The following TSSK2 variants were observed in gnomAD, a reference collection of about 807,000 sequenced individuals.
TSSK2 encodes testis-specific serine/threonine-protein kinase 2.
In TSSK2, 5 loss-of-function variants were observed where a neutral mutation model predicts 14.2. The observed-to-expected ratio is 0.35, with a 90% CI of 0.18 to 0.74. The LOEUF (loss-of-function observed/expected upper bound fraction) is 0.74, where lower values mean the gene tolerates loss of function less well. TSSK2 is among the 30% of genes least tolerant of loss of function. TSSK2 has a pLI of 0.56. For synonymous variants in TSSK2, 209 were observed against 201.9 expected (o/e 1.04, Z -0.30); for missense variants, 439 against 491.1 (o/e 0.89, Z 1.00).
chr22:19,131,625 TA>T lies in TSSK2; in HGVS notation c.227del (p.Tyr76SerfsTer129). 6.2e-7 allele frequency: 1 copy of T among 1,614,092 alleles called. No homozygotes were observed. Among genetic ancestry groups the T allele is most frequent in the Non-Finnish European group, 8.5e-7 (1 of 1,180,036 alleles). On this transcript the variant is annotated frameshift_variant, in exon 1 of 1. Coordinates refer to ENST00000399635, the MANE Select transcript of TSSK2 (RefSeq NM_053006.5). LOFTEE classifies it high-confidence loss of function. The surrounding 1 kb of genome is among the most constrained non-coding windows in gnomAD (Gnocchi z 5.7). ...CAACCACGGCTCCATCATCAAGACT[TA>T]CGAGATCTTTGAGACCTCTGACGGA... ...TVNHGSIIKT[Y>X]EIFETSDGRI...
In TSSK2 at chr22:19,132,265, GGGA is replaced by G; in HGVS notation, c.869_871del (p.Glu290del). ...TCTTCTGCCTCCTTCAAGAGGGAGG[GGGA>G]GGGCAAGTACCGCGCTGAGTGCAAA... On this transcript the variant is annotated inframe_deletion, in exon 1 of 1. Transcript: ENST00000399635. The surrounding 1 kb of genome is among the most constrained non-coding windows in gnomAD (Gnocchi z 4.2). The G allele has an allele frequency of 6.2e-7, 1 of 1,612,784 alleles. No individual in the cohort carries two copies. The highest frequency in any genetic ancestry group is 8.5e-7 in the Non-Finnish European group (1 of 1,179,246).
Position 19,131,930 on chromosome 22 carries a change from G to A in TSSK2, c.531G>A (p.Gly177=), listed in dbSNP as rs1952398726. ...GRIILSKTFC[G]SAAYAAPEVL... is the part of the protein sequence containing the mutation. ...TCATCCTCAGCAAGACCTTCTGCGG[G>A]TCGGCAGCATATGCAGCCCCCGAGG... is the stretch of plus-strand genomic sequence containing the variant. Residue 177 remains glycine (G), a synonymous_variant, in exon 1 of 1, where the codon GGG becomes GGA. Coordinates refer to ENST00000399635, the MANE Select transcript of TSSK2 (RefSeq NM_053006.5). The surrounding 1 kb of genome is among the most constrained non-coding windows in gnomAD (Gnocchi z 5.7). The A allele has an allele frequency of 6.2e-6, 10 of 1,614,142 alleles. No homozygotes were observed. The highest frequency in any genetic ancestry group is 8.5e-6 in the Non-Finnish European group (10 of 1,179,988).
At position 19,131,371 on chromosome 22, in the gene TSSK2, C is replaced by T. The variant is rs770179421; in HGVS notation, c.-29C>T. 20 of 1,548,182 alleles carry T rather than the reference C, an allele frequency of 1.3e-5. No homozygotes were observed. Among genetic ancestry groups the T allele is most frequent in the Middle Eastern group, 1.7e-4 (1 of 5,776 alleles). Reference sequence around the variant, plus strand: ...GGCCCACATGACGGGGGGATGTAGACGGCAGCGGCGCCAGTCGCTCCTGGC... The same window carrying T: ...GGCCCACATGACGGGGGGATGTAGATGGCAGCGGCGCCAGTCGCTCCTGGC... On this transcript the variant is annotated 5_prime_UTR_variant, in exon 1 of 1. It adds an upstream start codon to the 5' untranslated region. Coordinates refer to ENST00000399635, the MANE Select transcript of TSSK2 (RefSeq NM_053006.5). This position sits in a 1 kb window ranked among gnomAD's most constrained non-coding sequence, Gnocchi z 5.7.
Position 19,131,649 on chromosome 22 carries a change from G to C in TSSK2, c.250G>C (p.Gly84Arg), listed in dbSNP as rs200748051. Residue 84 changes from glycine (G) to arginine (R), a missense_variant, in exon 1 of 1, where the codon GGA becomes CGA. By Grantham distance (125) the Gly-to-Arg change is moderately radical. Coordinates refer to ENST00000399635, the MANE Select transcript of TSSK2 (RefSeq NM_053006.5). This position sits in a 1 kb window ranked among gnomAD's most constrained non-coding sequence, Gnocchi z 5.7. ...TTACGAGATCTTTGAGACCTCTGAC[G>C]GACGGATCTACATCATCATGGAGCT... Reference protein sequence around the residue: ...KTYEIFETSDGRIYIIMELGV... With the variant: ...KTYEIFETSDRRIYIIMELGV... 6.2e-7 allele frequency: 1 copy of C among 1,613,994 alleles called. No individual in the cohort carries two copies.
chr22:19,132,465 G>A lies in TSSK2; in HGVS notation c.1066G>A (p.Ala356Thr), dbSNP rs542637553. The change falls in exon 1 of 1, where the codon GCA becomes ACA. Residue 356 changes from alanine (A) to threonine (T), a missense_variant. Ala to Thr is a moderately conservative substitution (Grantham distance 58). Coordinates refer to ENST00000399635, the MANE Select transcript of TSSK2 (RefSeq NM_053006.5). The surrounding 1 kb of genome is among the most constrained non-coding windows in gnomAD (Gnocchi z 4.2). ...CATCTCCGGAGCTGAGGTGGGGAAA[G>A]CAAGCACCTAGCATGACAATGGCCC... Reference protein sequence around the residue: ...HHISGAEVGKAST With the variant: ...HHISGAEVGKTST The A allele has an allele frequency of 1.0e-4, 167 of 1,609,212 alleles. 1 individual carries two copies. In the South Asian group the frequency reaches 1.4e-3, roughly 14 times the overall value.
rs756444543 is a variant in TSSK2 at position 19,132,313 on chromosome 22, T to C, written c.914T>C (p.Leu305Ser). The change falls in exon 1 of 1, where the codon TTG becomes TCG. Residue 305 changes from leucine (L) to serine (S), a missense_variant. By Grantham distance (145) the Leu-to-Ser change is moderately radical. Coordinates refer to ENST00000399635, the MANE Select transcript of TSSK2 (RefSeq NM_053006.5). The surrounding 1 kb of genome is among the most constrained non-coding windows in gnomAD (Gnocchi z 4.2). ...AECKLDTKTG[L>S]RPDHRPDHKL... ...TGCAAACTGGACACCAAGACAGGCT[T>C]GAGGCCCGACCACCGGCCCGACCAC... 1.4e-5 allele frequency: 22 copies of C among 1,611,530 alleles called. No individual in the cohort carries two copies. The South Asian group carries it at 2.0e-4, about 14-fold the overall frequency.
rs775462882 is a variant in TSSK2 at position 19,132,106 on chromosome 22, C to T, written c.707C>T (p.Pro236Leu). The change falls in exon 1 of 1, where the codon CCG (proline) becomes CTG (leucine). Residue 236 changes from proline (P) to leucine (L), a missense_variant. Coordinates refer to ENST00000399635, the MANE Select transcript of TSSK2 (RefSeq NM_053006.5). The surrounding 1 kb of genome is among the most constrained non-coding windows in gnomAD (Gnocchi z 4.2). ...RIQKEHRVDF[P>L]RSKNLTCECK... Reference sequence around the variant, plus strand: ...CAGAAGGAGCACCGTGTGGACTTCCCGCGCTCCAAGAACCTGACCTGCGAG... The same window carrying T: ...CAGAAGGAGCACCGTGTGGACTTCCTGCGCTCCAAGAACCTGACCTGCGAG... The T allele has an allele frequency of 1.6e-5, 26 of 1,612,800 alleles. No homozygotes were observed. The highest frequency in any genetic ancestry group is 3.3e-5 in the Admixed American group (2 of 59,982).
Position 19,131,803 on chromosome 22 carries a change from G to A in TSSK2, c.404G>A (p.Arg135Gln), listed in dbSNP as rs775468598. ...TGCCACGACCTGGACATCGTCCACCGGGACCTCAAGTGCGAGAACCTTCTC... is the reference window on the plus strand; with the variant it reads ...TGCCACGACCTGGACATCGTCCACCAGGACCTCAAGTGCGAGAACCTTCTC... ...KYCHDLDIVH[R>Q]DLKCENLLLD... Residue 135 changes from arginine to glutamine, a missense_variant, in exon 1 of 1, where the codon CGG becomes CAG. Physicochemically the swap from Arg to Gln is conservative, Grantham distance 43. Transcript: ENST00000399635. This position sits in a 1 kb window ranked among gnomAD's most constrained non-coding sequence, Gnocchi z 5.7. 5.6e-6 allele frequency: 9 copies of A among 1,614,044 alleles called. No individual in the cohort carries two copies. The highest frequency in any genetic ancestry group is 1.6e-4 in the Middle Eastern group (1 of 6,084).
rs756442861 is a variant in TSSK2, at chr22:19,131,955, G to A, written c.556G>A (p.Val186Met). The change falls in exon 1 of 1, where the codon GTG becomes ATG. Residue 186 changes from valine (V) to methionine (M), a missense_variant. Coordinates refer to ENST00000399635, the MANE Select transcript of TSSK2 (RefSeq NM_053006.5). The surrounding 1 kb of genome is among the most constrained non-coding windows in gnomAD (Gnocchi z 5.7). ...GTCGGCAGCATATGCAGCCCCCGAG[G>A]TGCTGCAGAGCATCCCCTACCAGCC... ...CGSAAYAAPE[V>M]LQSIPYQPKV... 6 of 1,614,176 alleles carry A rather than the reference G, an allele frequency of 3.7e-6. No individual in the cohort carries two copies. Among genetic ancestry groups the A allele is most frequent in the Non-Finnish European group, 8.5e-7 (1 of 1,180,024 alleles).
chr22:19,132,534 C>T lies in TSSK2; in HGVS notation c.*58C>T, dbSNP rs185040791. Reference sequence around the variant, plus strand: ...TCGGGGTTGGGGGGCATGGTGCAGTCGGCCTTCACGTAAACTAAGTAGGCA... The same window carrying T: ...TCGGGGTTGGGGGGCATGGTGCAGTTGGCCTTCACGTAAACTAAGTAGGCA... On this transcript the variant is annotated 3_prime_UTR_variant, in exon 1 of 1. Coordinates refer to ENST00000399635, the MANE Select transcript of TSSK2 (RefSeq NM_053006.5). This position sits in a 1 kb window ranked among gnomAD's most constrained non-coding sequence, Gnocchi z 4.2. 434 of 1,510,322 alleles carry T rather than the reference C, an allele frequency of 2.9e-4. 2 individuals are homozygous for T. In the East Asian group the frequency reaches 6.1e-3, roughly 21 times the overall value. The allele number at this position is 1,510,322 out of a possible 1,614,324, so 93.6% of individuals were successfully genotyped here. A position where few individuals can be genotyped will look rare whatever the true frequency, so the allele number is the denominator to read the frequency against.
rs149340835 is a variant in TSSK2, at chr22:19,132,164, C to T, written c.765C>T (p.Pro255=). Residue 255 remains proline (P), a synonymous_variant, in exon 1 of 1, where the codon CCC becomes CCT. Transcript: ENST00000399635. This position sits in a 1 kb window ranked among gnomAD's most constrained non-coding sequence, Gnocchi z 4.2. ...CKDLIYRMLQ[P]DVSQRLHIDE... is the part of the protein sequence containing the mutation. Reference sequence around the variant, plus strand: ...ACCTCATCTACCGCATGCTGCAGCCCGACGTCAGCCAGCGGCTCCACATCG... The same window carrying T: ...ACCTCATCTACCGCATGCTGCAGCCTGACGTCAGCCAGCGGCTCCACATCG... 5.6e-6 allele frequency: 9 copies of T among 1,613,276 alleles called. No individual in the cohort carries two copies. The highest frequency in any genetic ancestry group is 1.7e-4 in the Middle Eastern group (1 of 6,060).
chr22:19,131,579 G>C lies in TSSK2; in HGVS notation c.180G>C (p.Glu60Asp). The C allele has an allele frequency of 1.2e-6, 2 of 1,614,146 alleles. No individual in the cohort carries two copies. The highest frequency in any genetic ancestry group is 1.7e-6 in the Non-Finnish European group (2 of 1,180,038). The change falls in exon 1 of 1, where the codon GAG (glutamate) becomes GAC (aspartate). Residue 60 changes from glutamate to aspartate, a missense_variant. Coordinates refer to ENST00000399635, the MANE Select transcript of TSSK2 (RefSeq NM_053006.5). The surrounding 1 kb of genome is among the most constrained non-coding windows in gnomAD (Gnocchi z 5.7). ...TTGTGGAGAGATTCCTTCCTCGGGA[G>C]ATGGACATCCTGGCAACTGTCAACC... ...TDFVERFLPREMDILATVNHG... is the reference protein window; with the variant it reads ...TDFVERFLPRDMDILATVNHG...
Position 19,131,993 on chromosome 22 carries a change from C to T in TSSK2, c.594C>T (p.Asp198=). 6.2e-7 allele frequency: 1 copy of T among 1,614,206 alleles called. No homozygotes were observed. Among genetic ancestry groups the T allele is most frequent in the Non-Finnish European group, 8.5e-7 (1 of 1,180,044 alleles). Residue 198 remains aspartate, a synonymous_variant, in exon 1 of 1, where the codon GAC becomes GAT. Coordinates refer to ENST00000399635, the MANE Select transcript of TSSK2 (RefSeq NM_053006.5). This position sits in a 1 kb window ranked among gnomAD's most constrained non-coding sequence, Gnocchi z 5.7. ...QSIPYQPKVY[D]IWSLGVILYI... is the part of the protein sequence containing the mutation. The stretch of plus-strand genomic sequence containing the variant: ...TCCCCTACCAGCCCAAGGTGTATGA[C>T]ATCTGGAGCCTGGGCGTGATCCTGT...
chr22:19,131,472 A>G lies in TSSK2; in HGVS notation c.73A>G (p.Lys25Glu). The change falls in exon 1 of 1, where the codon AAA becomes GAA. Residue 25 changes from lysine (K) to glutamate (E), a missense_variant. Physicochemically the swap from Lys to Glu is moderately conservative, Grantham distance 56. Transcript: ENST00000399635. This position sits in a 1 kb window ranked among gnomAD's most constrained non-coding sequence, Gnocchi z 5.7. ...GINLGKGSYA[K>E]VKSAYSERLK... is the part of the protein sequence containing the mutation. ...CAATCTTGGCAAGGGTTCCTACGCA[A>G]AAGTCAAATCTGCCTACTCTGAGCG... 1 of 1,614,124 alleles carries G rather than the reference A, an allele frequency of 6.2e-7. No homozygotes were observed. Among genetic ancestry groups the G allele is most frequent in the East Asian group, 2.2e-5 (1 of 44,872 alleles).
In TSSK2 at chr22:19,131,545, C is replaced by T. The variant is rs2146083581; in HGVS notation, c.146C>T (p.Pro49Leu). 6.2e-7 allele frequency: 1 copy of T among 1,614,170 alleles called. No individual in the cohort carries two copies. The highest frequency in any genetic ancestry group is 8.5e-7 in the Non-Finnish European group (1 of 1,180,034). ...AVKIIDRKKTPTDFVERFLPR... is the reference protein window; with the variant it reads ...AVKIIDRKKTLTDFVERFLPR... The stretch of plus-strand genomic sequence containing the variant: ...AAGATCATCGACCGCAAGAAAACAC[C>T]TACTGACTTTGTGGAGAGATTCCTT... Residue 49 changes from proline (P) to leucine (L), a missense_variant, in exon 1 of 1, where the codon CCT becomes CTT. Transcript: ENST00000399635. The surrounding 1 kb of genome is among the most constrained non-coding windows in gnomAD (Gnocchi z 5.7).
At position 19,132,027 on chromosome 22, in the gene TSSK2, G is replaced by T. The variant is rs1484574715; in HGVS notation, c.628G>T (p.Val210Phe). Residue 210 changes from valine (V) to phenylalanine (F), a missense_variant, in exon 1 of 1, where the codon GTC (valine) becomes TTC (phenylalanine). By Grantham distance (50) the Val-to-Phe change is conservative (BLOSUM62 -1). Transcript: ENST00000399635. This position sits in a 1 kb window ranked among gnomAD's most constrained non-coding sequence, Gnocchi z 4.2. ...WSLGVILYIMVCGSMPYDDSD... is the reference protein window; with the variant it reads ...WSLGVILYIMFCGSMPYDDSD... Reference sequence around the variant, plus strand: ...CCTGGGCGTGATCCTGTACATCATGGTCTGCGGCTCCATGCCCTATGACGA... The same window carrying T: ...CCTGGGCGTGATCCTGTACATCATGTTCTGCGGCTCCATGCCCTATGACGA... 2 of 1,614,006 alleles carry T rather than the reference G, an allele frequency of 1.2e-6. No homozygotes were observed. Among genetic ancestry groups the T allele is most frequent in the African/African-American group, 1.3e-5 (1 of 74,916 alleles).
chr22:19,131,448 A>G lies in TSSK2; in HGVS notation c.49A>G (p.Asn17Asp). Reference sequence around the variant, plus strand: ...GAAGAAGGGTTACATCGTAGGCATCAATCTTGGCAAGGGTTCCTACGCAAA... The same window carrying G: ...GAAGAAGGGTTACATCGTAGGCATCGATCTTGGCAAGGGTTCCTACGCAAA... Reference protein sequence around the residue: ...LRKKGYIVGINLGKGSYAKVK... With the variant: ...LRKKGYIVGIDLGKGSYAKVK... Residue 17 changes from asparagine (N) to aspartate (D), a missense_variant, in exon 1 of 1, where the codon AAT becomes GAT. Physicochemically the swap from Asn to Asp is conservative, Grantham distance 23. Transcript: ENST00000399635. This position sits in a 1 kb window ranked among gnomAD's most constrained non-coding sequence, Gnocchi z 5.7. 1 of 1,613,994 alleles carries G rather than the reference A, an allele frequency of 6.2e-7. No homozygotes were observed. The highest frequency in any genetic ancestry group is 8.5e-7 in the Non-Finnish European group (1 of 1,179,934).
rs1163774889 is a variant in TSSK2 at position 19,132,224 on chromosome 22, CA to C, written c.827del (p.Lys276SerfsTer30). On this transcript the variant is annotated frameshift_variant, in exon 1 of 1. Coordinates refer to ENST00000399635, the MANE Select transcript of TSSK2 (RefSeq NM_053006.5). LOFTEE classifies it high-confidence loss of function. This position sits in a 1 kb window ranked among gnomAD's most constrained non-coding sequence, Gnocchi z 4.2. ...TCAGCCACTCGTGGCTGCAGCCCCC[CA>C]AGCCCAAAGCCACGTCTTCTGCCTC... Reference protein sequence around the residue: ...ILSHSWLQPPKPKATSSASFK... With the variant: ...ILSHSWLQPPXPKATSSASFK... 3.1e-6 allele frequency: 5 copies of C among 1,612,306 alleles called. No individual in the cohort carries two copies. The highest frequency in any genetic ancestry group is 4.2e-6 in the Non-Finnish European group (5 of 1,178,768).
chr22:19,132,497 G>A lies in TSSK2; in HGVS notation c.*21G>A. The A allele has an allele frequency of 6.3e-7, 1 of 1,583,466 alleles. No homozygotes were observed. The highest frequency in any genetic ancestry group is 8.6e-7 in the Non-Finnish European group (1 of 1,161,860). ...CCTAGCATGACAATGGCCCCGTTGTGTGTGGTGGGGGTCGGGGTTGGGGGG... is the reference window on the plus strand; with the variant it reads ...CCTAGCATGACAATGGCCCCGTTGTATGTGGTGGGGGTCGGGGTTGGGGGG... On this transcript the variant is annotated 3_prime_UTR_variant, in exon 1 of 1. Coordinates refer to ENST00000399635, the MANE Select transcript of TSSK2 (RefSeq NM_053006.5). This position sits in a 1 kb window ranked among gnomAD's most constrained non-coding sequence, Gnocchi z 4.2.
Sources: gnomAD v4.1 joint callset for allele counts on GRCh38, gnomAD v4.1.1 for gene constraint, Gnocchi (gnomAD v3.1) non-coding constraint, MANE v1.5 for transcripts, NCBI Gene and HGNC (gene_info 2026-07-23, HGNC 2026-07-21) for gene names.